The following DNAJB6 variants were observed in gnomAD, a reference collection of about 807,000 sequenced individuals.
DNAJB6 encodes the protein dnaJ homolog subfamily B member 6.
In DNAJB6, 16 loss-of-function variants were observed where a neutral mutation model predicts 42.7. The ratio of observed to expected loss-of-function variants is 0.37; its 90% CI spans 0.25 to 0.57. DNAJB6 has a LOEUF of 0.57. DNAJB6 is among the 20% of genes least tolerant of loss of function. DNAJB6 has a pLI of 0.74. For missense variants in DNAJB6, 347 were observed against 416.8 expected (o/e 0.83, Z 1.46); for synonymous variants, 170 against 163.5 (o/e 1.04, Z -0.30).
At chr7:157,393,119 G>T (rs1262001314) in intron 8 of DNAJB6, among the ~76,000 whole-genome samples, 1 of 151,930 alleles carries the variant, frequency 6.6e-6, no homozygotes, top group South Asian at 2.1e-4. Context: ...AATTACAGGC[G>T]CCTGCCACCA....
Position 157,352,438 on chromosome 7 carries a change from G to A in DNAJB6, c.-26-6109G>A, listed in dbSNP as rs563475562. ...TTAATCATGCAGTGTGTATTTGATG[G>A]TGGATTACTCTCTGAATATTTATTC... On this transcript the variant is annotated intron_variant, in intron 1 of 9. Coordinates refer to ENST00000262177, the MANE Select transcript of DNAJB6 (RefSeq NM_058246.4). Among the ~76,000 whole-genome samples the A allele has an allele frequency of 4.6e-5, 7 of 151,984 alleles. No individual in the cohort carries two copies. In the South Asian group the frequency reaches 1.5e-3, roughly 32 times the overall value.
intron 5 of DNAJB6, among the ~76,000 whole-genome samples, chr7:157,375,286 T>G (rs933890204): frequency 6.6e-6 from 1 of 152,214 alleles, no homozygotes; most frequent in African/African-American, 2.4e-5. Flanking sequence ...TGGTGGTTTC[T>G]TCCCTGAGCA....
At chr7:157,379,912 A>G (rs1327912645) in intron 5 of DNAJB6, 1 of 149,990 alleles carries the variant, frequency 6.7e-6, no homozygotes, top group Non-Finnish European at 1.5e-5. Flanking sequence ...CCGGGGTTCA[A>G]GCAATTTTCG....
At chr7:157,348,919 G>A (rs1798829513) in intron 1 of DNAJB6, among the ~76,000 whole-genome samples, 1 of 152,176 alleles carries the variant, frequency 6.6e-6, no homozygotes, top group Non-Finnish European at 1.5e-5. Context: ...TTTTGCCTCT[G>A]TTCTCTGCCT....
intron 8 of DNAJB6, among the ~76,000 whole-genome samples, chr7:157,407,789 C>T (rs1795826529): frequency 6.6e-6 from 1 of 152,222 alleles, no homozygotes; most frequent in Admixed American, 6.5e-5. Context: ...CGCCATGTGT[C>T]CCGCTCTCTT....
intron 5 of DNAJB6, chr7:157,369,389 T>A (rs1162679873): frequency 2.2e-6 from 1 of 456,712 alleles, no homozygotes; most frequent in South Asian, 1.5e-5. Context: ...TGAAGTCCTG[T>A]GTTCTGATCG....
In DNAJB6 at chr7:157,352,185, T is replaced by C. The variant is rs372825375; in HGVS notation, c.-26-6362T>C. Among the ~76,000 whole-genome samples the C allele has an allele frequency of 2.6e-4, 40 of 151,860 alleles. 1 individual carries two copies. The South Asian group carries it at 7.9e-3, about 30-fold the overall frequency. ...CCCTACTAAAAATAGAAAAATTAGCTAGGCGTGGTGGTGGGCACCTGTAAT... is the reference window on the plus strand; with the variant it reads ...CCCTACTAAAAATAGAAAAATTAGCCAGGCGTGGTGGTGGGCACCTGTAAT... On this transcript the variant is annotated intron_variant, in intron 1 of 9. Transcript: ENST00000262177.
chr7:157,415,643 G>A (rs566247441), intron 9 of DNAJB6: 9 of 216,544 alleles, frequency 4.2e-5, no homozygotes, highest in Middle Eastern at 1.8e-3. Flanking sequence ...GCCGCTGGGC[G>A]GAACTGGGGT....
intron 1 of DNAJB6, among the ~76,000 whole-genome samples, chr7:157,338,616 G>A (rs540948269): frequency 4.6e-5 from 7 of 152,110 alleles, no homozygotes; most frequent in Non-Finnish European, 7.3e-5. Flanking sequence ...TTAGAGGCGC[G>A]AGCCACCGCG....
intron 8 of DNAJB6, among the ~76,000 whole-genome samples, chr7:157,407,497 C>A (rs765823752): frequency 1.3e-5 from 2 of 152,218 alleles, no homozygotes; most frequent in Non-Finnish European, 2.9e-5. Flanking sequence ...GTGCAATCCT[C>A]CTGGAGGCAG....
intron 5 of DNAJB6, among the ~76,000 whole-genome samples, chr7:157,371,600 AG>A (rs1446086249): frequency 6.6e-6 from 1 of 152,252 alleles, no homozygotes; most frequent in Non-Finnish European, 1.5e-5. Flanking sequence ...TCTGAATTGG[AG>A]GGGTACAATC....
At chr7:157,364,592 C>G (rs1563123999) in intron 3 of DNAJB6, among the ~76,000 whole-genome samples, 1 of 152,118 alleles carries the variant, frequency 6.6e-6, no homozygotes, top group Non-Finnish European at 1.5e-5. Context: ...CTGGGAGTGA[C>G]AGAGGAGGGC....
chr7:157,376,336 A>G (rs557487004), intron 5 of DNAJB6, among the ~76,000 whole-genome samples: 4 of 152,008 alleles, frequency 2.6e-5, no homozygotes, highest in Non-Finnish European at 5.9e-5. Context: ...TGTTAATGTT[A>G]TGGGCCCCTT....
intron 1 of DNAJB6, among the ~76,000 whole-genome samples, chr7:157,350,810 C>T (rs1584884635): frequency 6.6e-6 from 1 of 151,984 alleles, no homozygotes; most frequent in African/African-American, 2.4e-5. Flanking sequence ...CTGCCTCAGC[C>T]TCCCGAGTCT....
intron 5 of DNAJB6, chr7:157,379,160 AGAT>A: frequency 6.6e-6 from 1 of 152,328 alleles, no homozygotes; most frequent in South Asian, 2.1e-4. Context: ...TAGCTTCTGT[AGAT>A]GATGATATAA....
At chr7:157,352,953 C>G (rs1238483797) in intron 1 of DNAJB6, among the ~76,000 whole-genome samples, 1 of 152,058 alleles carries the variant, frequency 6.6e-6, no homozygotes, top group Non-Finnish European at 1.5e-5. Context: ...ATCCTTGATT[C>G]TTAGTGCTTG....
At chr7:157,367,089 A>G (rs1799881333) in intron 4 of DNAJB6, among the ~76,000 whole-genome samples, 1 of 152,194 alleles carries the variant, frequency 6.6e-6, no homozygotes, top group South Asian at 2.1e-4. Flanking sequence ...ATAACAAATC[A>G]TAAAAATGGT....
intron 6 of DNAJB6, chr7:157,382,594 T>A: frequency 2.8e-6 from 1 of 352,016 alleles, no homozygotes; most frequent in Non-Finnish European, 5.0e-6. Context: ...CTTCTCCTCT[T>A]AATATAATAA....
chr7:157,406,956 G>A (rs1294760089), intron 8 of DNAJB6, among the ~76,000 whole-genome samples: 4 of 152,216 alleles, frequency 2.6e-5, no homozygotes, highest in African/African-American at 9.6e-5. Context: ...GGAAGCCCTG[G>A]TCGAGGCTGG....
Sources: allele counts gnomAD v4.1 joint callset (sites outside exome capture counted in the v4.1 genomes callset), GRCh38; gene constraint gnomAD v4.1.1; transcripts MANE v1.5; gene names NCBI Gene and HGNC (gene_info 2026-07-23, HGNC 2026-07-21).